The following LIMK1 variants were observed in gnomAD, a reference collection of about 807,000 sequenced individuals.
LIMK1 encodes the protein LIM motif-containing protein kinase.
LIMK1 carries 21 observed loss-of-function variants against 77.6 expected under a neutral mutation model. The ratio of observed to expected loss-of-function variants is 0.27; its 90% CI spans 0.19 to 0.39. LIMK1 has a LOEUF of 0.39. Ranked by LOEUF, LIMK1 falls within the 10% of genes least tolerant of loss-of-function variation. LIMK1 has a pLI of 1.00. For missense variants in LIMK1, 696 were observed against 901.6 expected (o/e 0.77, Z 2.92); for synonymous variants, 358 against 370.0 (o/e 0.97, Z 0.37).
At chr7:74,110,885 T>G (rs1213437588) in intron 10 of LIMK1, 1 of 152,214 alleles carries the variant, frequency 6.6e-6, no homozygotes, top group Non-Finnish European at 1.5e-5. Flanking sequence ...GGAGGCAGAT[T>G]GGGAGCTATA....
At position 74,090,480 on chromosome 7, in the gene LIMK1, T is replaced by C. The variant is rs926132693; in HGVS notation, c.152+4636T>C. On this transcript the variant is annotated intron_variant, in intron 2 of 15. Coordinates refer to ENST00000336180, the MANE Select transcript of LIMK1 (RefSeq NM_002314.4). ...TACTCCCAACAGTCCCCAAAGCTGGTGGTCCTCACCGCGTGACAGTGAGCA... is the reference window on the plus strand; with the variant it reads ...TACTCCCAACAGTCCCCAAAGCTGGCGGTCCTCACCGCGTGACAGTGAGCA... Among the ~76,000 whole-genome samples the C allele has an allele frequency of 2.0e-5, 3 of 152,114 alleles. No individual in the cohort carries two copies. The South Asian group carries it at 6.2e-4, about 32-fold the overall frequency.
intron 10 of LIMK1, chr7:74,110,616 C>T (rs1799677311): frequency 6.6e-6 from 1 of 152,198 alleles, no homozygotes; most frequent in Admixed American, 6.6e-5. Flanking sequence ...TCACTGCAAC[C>T]TCCACCTCCC....
chr7:74,096,494 C>A, intron 2 of LIMK1, 128 bp from the exon 3 acceptor site: 1 of 1,240,484 alleles, frequency 8.1e-7, no homozygotes, highest in South Asian at 1.4e-5. Flanking sequence ...AGCAAGACTC[C>A]GTCTCAAAAA....
intron 5 of LIMK1, among the ~76,000 whole-genome samples, chr7:74,100,398 A>T (rs142950918): frequency 6.6e-6 from 1 of 152,260 alleles, no homozygotes; most frequent in East Asian, 1.9e-4. Flanking sequence ...GAGAAGTAGC[A>T]TGCAGTGTTT....
rs1799270662 is a variant in LIMK1, at chr7:74,093,160, C to G, written c.153-3462C>G. The G allele has an allele frequency of 2.6e-6, 4 of 1,511,990 alleles. No individual in the cohort carries two copies. In the South Asian group the frequency reaches 5.0e-5, roughly 19 times the overall value. The allele number at this position is 1,511,990 out of a possible 1,614,324, so 93.7% of individuals were successfully genotyped here. A position where few individuals can be genotyped will look rare whatever the true frequency, so the allele number is the denominator to read the frequency against. On this transcript the variant is annotated intron_variant, in intron 2 of 15. Transcript: ENST00000336180. ...GCCCCACCCTCTGCAGCCTCCAATC[C>G]TGAGCCCCTGAGGGAGGATGGGGAA...
intron 2 of LIMK1, among the ~76,000 whole-genome samples, chr7:74,089,124 A>G (rs1350774868): frequency 6.6e-6 from 1 of 152,208 alleles, no homozygotes; most frequent in African/African-American, 2.4e-5. Context: ...TTTGCATGGG[A>G]GAAACAGAGA....
chr7:74,120,276 G>T (rs181246779), intron 13 of LIMK1, among the ~76,000 whole-genome samples: 6 of 152,222 alleles, frequency 3.9e-5, no homozygotes, highest in African/African-American at 1.4e-4. Context: ...CCAGAGACCT[G>T]ACATGGTTCC....
In LIMK1 at chr7:74,121,821, C is replaced by T. The variant is rs1408698265; in HGVS notation, c.*520C>T. 1 of 154,302 alleles carries T rather than the reference C, an allele frequency of 6.5e-6. No individual in the cohort carries two copies. Among genetic ancestry groups the T allele is most frequent in the Non-Finnish European group, 1.4e-5 (1 of 69,516 alleles). The allele number at this position is 154,302 out of a possible 1,614,324, so 9.6% of individuals were successfully genotyped here. On this transcript the variant is annotated 3_prime_UTR_variant, in exon 16 of 16. Transcript: ENST00000336180. ...GGCCCGTTTTCCCCCCAGGGGGTGT[C>T]TAGGTAGCAACAGGTATCGAGGACT... is the stretch of plus-strand genomic sequence containing the variant.
intron 2 of LIMK1, among the ~76,000 whole-genome samples, chr7:74,089,298 CA>C (rs1241214313): frequency 1.3e-5 from 2 of 151,994 alleles, no homozygotes; most frequent in African/African-American, 4.8e-5. Flanking sequence ...CTCTTGAGCC[CA>C]GGAGTTTGAG....
chr7:74,114,708 G>A (rs543377184), intron 12 of LIMK1, among the ~76,000 whole-genome samples: 1 of 151,748 alleles, frequency 6.6e-6, no homozygotes, highest in South Asian at 2.1e-4. Context: ...GAGGTCAGGA[G>A]ATCGAGACCA....
Position 74,120,997 on chromosome 7 carries a change from C to T in LIMK1, c.1729C>T (p.Pro577Ser), listed in dbSNP as rs147218553. The T allele has an allele frequency of 3.0e-4, 491 of 1,611,030 alleles. No homozygotes were observed. Among genetic ancestry groups the T allele is most frequent in the Non-Finnish European group, 4.0e-4 (469 of 1,178,710 alleles). Residue 577 changes from proline (P) to serine (S), a missense_variant, in exon 15 of 16, where the codon CCG becomes TCG. Physicochemically the swap from Pro to Ser is moderately conservative, Grantham distance 74. Around this residue, in one of 3 missense-constraint regions of LIMK1, gnomAD observed 438 missense variants for 602.3 expected, o/e 0.73. Transcript: ENST00000336180. ...CCGCTACTGCCCCCCAAACTGCCCC[C>T]CGAGCTTCTTCCCCATCACCGTGCG... is the stretch of plus-strand genomic sequence containing the variant. The part of the protein sequence containing the change: ...LDRYCPPNCP[P>S]SFFPITVRCC...
intron 3 of LIMK1, 92 bp from the exon 4 acceptor site, chr7:74,096,988 T>C (rs563558139): frequency 8.7e-7 from 1 of 1,144,446 alleles, no homozygotes; most frequent in African/African-American, 1.5e-5. Flanking sequence ...AGTTGTTTTT[T>C]TGGTGACACC....
At chr7:74,098,429 C>T (rs1799378475) in intron 4 of LIMK1, among the ~76,000 whole-genome samples, 1 of 152,208 alleles carries the variant, frequency 6.6e-6, no homozygotes, top group African/African-American at 2.4e-5. Flanking sequence ...CTGGATTTAT[C>T]CTCAGGCCTT....
At chr7:74,090,664 G>C (rs1215948721) in intron 2 of LIMK1, among the ~76,000 whole-genome samples, 1 of 152,062 alleles carries the variant, frequency 6.6e-6, no homozygotes, top group Admixed American at 6.5e-5. Flanking sequence ...CATGCACTGA[G>C]ACCTTTGTTC....
intron 14 of LIMK1, 61 bp downstream of exon 14, chr7:74,120,699 C>T: frequency 6.3e-7 from 1 of 1,592,418 alleles, no homozygotes; most frequent in East Asian, 2.2e-5. Flanking sequence ...CTCACCCAGG[C>T]TGCAGGCTCA....
intron 12 of LIMK1, among the ~76,000 whole-genome samples, chr7:74,114,177 G>T (rs1554699010): frequency 6.6e-6 from 1 of 151,974 alleles, no homozygotes; most frequent in Non-Finnish European, 1.5e-5. Context: ...AACCCGGGAG[G>T]TGGAGGTTGC....
intron 9 of LIMK1, 73 bp downstream of exon 9, chr7:74,108,030 C>G: frequency 3.7e-6 from 4 of 1,074,552 alleles, no homozygotes; most frequent in Non-Finnish European, 5.6e-6. Context: ...CAACACAGGT[C>G]GGAAAAGGGC....
chr7:74,101,186 A>G (rs1159520886), intron 5 of LIMK1, among the ~76,000 whole-genome samples: 2 of 152,174 alleles, frequency 1.3e-5, no homozygotes, highest in Non-Finnish European at 2.9e-5. Context: ...ATCCCTTGAC[A>G]TCAGCCAAGC....
In LIMK1 at chr7:74,105,923, C is replaced by T. The variant is rs782215294; in HGVS notation, c.657C>T (p.Val219=). 35 of 1,613,922 alleles carry T rather than the reference C, an allele frequency of 2.2e-5. No individual in the cohort carries two copies. The South Asian group carries it at 2.2e-4, about 10-fold the overall frequency. ...MSPDVKNSIH[V]GDRILEINGT... Reference sequence around the variant, plus strand: ...CAGATGTGAAGAATTCCATCCACGTCGGAGACCGGATCTTGGAAATCAATG... The same window carrying T: ...CAGATGTGAAGAATTCCATCCACGTTGGAGACCGGATCTTGGAAATCAATG... Residue 219 remains valine (V), a synonymous_variant, in exon 6 of 16, where the codon GTC becomes GTT. Coordinates refer to ENST00000336180, the MANE Select transcript of LIMK1 (RefSeq NM_002314.4).
Sources: gnomAD v4.1 joint callset for allele counts (sites outside exome capture counted in the v4.1 genomes callset) on GRCh38, gnomAD v4.1.1 for gene constraint, gnomAD v4.1.1 regional missense constraint, MANE v1.5 for transcripts, NCBI Gene and HGNC (gene_info 2026-07-23, HGNC 2026-07-21) for gene names.